The following MEI1 variants were observed in gnomAD, a reference collection of about 807,000 sequenced individuals.
The protein encoded by MEI1 is meiosis inhibitor protein 1.
Under a neutral mutation model 146.2 loss-of-function variants are expected in MEI1, and 103 were observed. That is an observed-to-expected ratio of 0.70 (90% CI 0.60 to 0.83). The LOEUF (loss-of-function observed/expected upper bound fraction) is 0.83, where lower values mean the gene tolerates loss of function less well. Ranked by LOEUF, MEI1 falls within the 40% of genes least tolerant of loss-of-function variation. MEI1 has a pLI of 0.00. For synonymous variants in MEI1, 652 were observed against 628.2 expected, an observed-to-expected ratio of 1.04 and a Z score of -0.57; for missense variants, 1,529 against 1,533.0, an observed-to-expected ratio of 1.00 and a Z score of 0.04.
intron 3 of MEI1, among the ~76,000 whole-genome samples, chr22:41,707,583 A>C (rs1432593913): frequency 6.6e-6 from 1 of 152,132 alleles, no homozygotes; most frequent in Admixed American, 6.6e-5. Flanking sequence ...TTGAGGTGAG[A>C]GGATCACTTG....
chr22:41,736,254 CTTT>C (rs11308919), intron 11 of MEI1, among the ~76,000 whole-genome samples: 1 of 131,510 alleles, frequency 7.6e-6, no homozygotes, highest in Non-Finnish European at 1.6e-5. Flanking sequence ...TTTTCTTTTT[CTTT>C]TTTTTTTTTT....
chr22:41,734,915 G>A (rs1055489392), intron 11 of MEI1, among the ~76,000 whole-genome samples: 3 of 151,350 alleles, frequency 2.0e-5, no homozygotes, highest in Admixed American at 6.6e-5. Context: ...AGGATTACAG[G>A]TATGAGCCAC....
intron 17 of MEI1, among the ~76,000 whole-genome samples, chr22:41,757,088 T>A (rs1008922885): frequency 2.6e-5 from 4 of 152,148 alleles, no homozygotes; most frequent in African/African-American, 9.7e-5. Flanking sequence ...CTCCACAGTT[T>A]GTTTCTTTCT....
chr22:41,756,693 C>T (rs1393431286), intron 17 of MEI1, among the ~76,000 whole-genome samples: 2 of 152,096 alleles, frequency 1.3e-5, no homozygotes, highest in Non-Finnish European at 2.9e-5. Context: ...AGGCTGGTCT[C>T]GAACTCCTGA....
rs869223251 is a variant in MEI1, at chr22:41,793,032, C to CTTTTT, written c.3346-770_3346-766dup. 8.0e-3 allele frequency among the ~76,000 whole-genome samples: 386 copies of CTTTTT among 48,426 alleles called. 87 individuals carry two copies. Among genetic ancestry groups the CTTTTT allele is most frequent in the East Asian group, 0.035 (33 of 944 alleles). 31.8% of individuals were successfully genotyped at this position (48,426 alleles called of 152,430 possible). A position where few individuals can be genotyped will look rare whatever the true frequency, so the allele number is the denominator to read the frequency against. On this transcript the variant is annotated intron_variant, in intron 26 of 30. Transcript: ENST00000401548. ...ATCTTCTTTTCTGAAACAAAGCATT[C>CTTTTT]TTTTTTTTTTTTTTTTTTTTTTTTT...
At position 41,752,642 on chromosome 22, in the gene MEI1, G is replaced by A; in HGVS notation, c.1844G>A (p.Ser615Asn). ...CTGGAGCTGAAGGCCAGGTTTTGCA[G>A]TGGTCTGAGGTATGTGTGGTCCCAG... The part of the protein sequence containing the change: ...LTLELKARFC[S>N]GLSHSALNQV... The change falls in exon 16 of 31, where the codon AGT (serine) becomes AAT (asparagine). Residue 615 changes from serine to asparagine, a missense_variant. Physicochemically the swap from Ser to Asn is conservative, Grantham distance 46. This residue lies in a region of MEI1 where 1,212 missense variants were observed against 1,178.9 expected (regional missense o/e 1.03). Coordinates refer to ENST00000401548, the MANE Select transcript of MEI1 (RefSeq NM_152513.4). 6.3e-7 allele frequency: 1 copy of A among 1,595,380 alleles called. No homozygotes were observed.
intron 3 of MEI1, among the ~76,000 whole-genome samples, chr22:41,712,817 T>G (rs1427828129): frequency 1.4e-5 from 2 of 145,252 alleles, no homozygotes; most frequent in South Asian, 2.2e-4. Flanking sequence ...TTGTTTTTTT[T>G]TTTTTTTTAG....
chr22:41,713,045 G>A (rs536753641), intron 3 of MEI1, among the ~76,000 whole-genome samples: 2 of 152,044 alleles, frequency 1.3e-5, no homozygotes, highest in East Asian at 1.9e-4. Flanking sequence ...TCCTGACCTC[G>A]TGATCCGCCC....
chr22:41,745,683 G>A (rs1389903458), intron 13 of MEI1, among the ~76,000 whole-genome samples: 1 of 152,216 alleles, frequency 6.6e-6, no homozygotes, highest in East Asian at 1.9e-4. Context: ...TGGGGGAGGG[G>A]GTAGGGAGCA....
chr22:41,729,123 C>G (rs1054493172), intron 7 of MEI1, among the ~76,000 whole-genome samples: 1 of 144,732 alleles, frequency 6.9e-6, no homozygotes, highest in Non-Finnish European at 1.5e-5. Context: ...CAAGATCATG[C>G]CACTGTACTC....
intron 26 of MEI1, 71 bp downstream of exon 26, chr22:41,784,854 G>C: frequency 2.3e-6 from 3 of 1,294,398 alleles, no homozygotes; most frequent in Non-Finnish European, 3.1e-6. Flanking sequence ...CCTGTCGAGA[G>C]CCTGATACTC....
chr22:41,754,250 C>G (rs1050122807), intron 17 of MEI1, among the ~76,000 whole-genome samples: 1 of 152,096 alleles, frequency 6.6e-6, no homozygotes, highest in African/African-American at 2.4e-5. Context: ...ACCCAAGGCT[C>G]CTGGCACCTT....
intron 6 of MEI1, among the ~76,000 whole-genome samples, chr22:41,719,712 C>G (rs1222171060): frequency 6.6e-6 from 1 of 152,180 alleles, no homozygotes; most frequent in Non-Finnish European, 1.5e-5. Flanking sequence ...CTGCTTGTTA[C>G]TTGAGGCTCT....
chr22:41,761,348 T>A (rs1261970096), intron 18 of MEI1, among the ~76,000 whole-genome samples: 1 of 143,646 alleles, frequency 7.0e-6, no homozygotes, highest in African/African-American at 2.6e-5. Flanking sequence ...GGAGACTCAC[T>A]CTGTCGCCCA....
chr22:41,761,799 TC>T (rs1191744828), intron 18 of MEI1, among the ~76,000 whole-genome samples: 1 of 152,176 alleles, frequency 6.6e-6, no homozygotes, highest in Non-Finnish European at 1.5e-5. Flanking sequence ...CCTCCCCAGC[TC>T]CTGGCAATCA....
intron 7 of MEI1, among the ~76,000 whole-genome samples, chr22:41,729,332 C>G (rs559291104): frequency 2.6e-5 from 4 of 152,142 alleles, no homozygotes; most frequent in African/African-American, 9.7e-5. Flanking sequence ...AGAGTGAGAC[C>G]TGTTTCATAA....
chr22:41,747,512 T>C (rs1204509170), intron 14 of MEI1: 1 of 152,106 alleles, frequency 6.6e-6, no homozygotes, highest in African/African-American at 2.4e-5. Flanking sequence ...AAGACCAGCC[T>C]GGCCAACATG....
chr22:41,732,674 G>A, intron 11 of MEI1, 71 bp downstream of exon 11: 17 of 1,491,068 alleles, frequency 1.1e-5, no homozygotes, highest in Admixed American at 4.2e-5. Context: ...CCAGGGTAGC[G>A]GATATTTAAG....
intron 16 of MEI1, 60 bp downstream of exon 16, chr22:41,752,711 C>T: frequency 6.9e-7 from 1 of 1,442,900 alleles, no homozygotes; most frequent in South Asian, 1.2e-5. Flanking sequence ...CTTGATGGGA[C>T]AAGTGGGAAT....
Sources: gnomAD v4.1 joint callset for allele counts (sites outside exome capture counted in the v4.1 genomes callset) on GRCh38, gnomAD v4.1.1 for gene constraint, gnomAD v4.1.1 regional missense constraint, MANE v1.5 for transcripts, NCBI Gene and HGNC (gene_info 2026-07-23, HGNC 2026-07-21) for gene names.